AOAH: variants seen among roughly 807,000 people sequenced by gnomAD.
AOAH encodes the protein acyloxyacyl hydrolase (neutrophil).
In AOAH, 64 loss-of-function variants were observed where a neutral mutation model predicts 92.2. The ratio of observed to expected loss-of-function variants is 0.69; its 90% CI spans 0.57 to 0.86. The LOEUF (loss-of-function observed/expected upper bound fraction) is 0.86. AOAH is among the 40% of genes least tolerant of loss of function. AOAH has a pLI of 0.00. For synonymous variants in AOAH, 263 were observed against 254.5 expected (o/e 1.03, Z -0.32); for missense variants, 656 against 694.6 (o/e 0.94, Z 0.62).
At chr7:36,526,393 T>C (rs919972087) in intron 19 of AOAH, among the ~76,000 whole-genome samples, 15 of 152,240 alleles carry the variant, frequency 9.9e-5, no homozygotes, top group African/African-American at 3.6e-4. Context: ...ATTTTATCTG[T>C]ATCGTGACCA....
At chr7:36,645,412 C>T (rs562788236) in intron 4 of AOAH, among the ~76,000 whole-genome samples, 2 of 152,284 alleles carry the variant, frequency 1.3e-5, no homozygotes, top group Admixed American at 6.5e-5. Context: ...TTGTAAGGCA[C>T]ACAGTCTAGG....
At chr7:36,529,760 C>G (rs889212073) in intron 19 of AOAH, among the ~76,000 whole-genome samples, 1 of 152,158 alleles carries the variant, frequency 6.6e-6, no homozygotes, top group Non-Finnish European at 1.5e-5. Context: ...AGTCAATAAG[C>G]AATAATTTTT....
intron 3 of AOAH, among the ~76,000 whole-genome samples, chr7:36,662,317 G>A (rs1795263680): frequency 6.6e-6 from 1 of 152,212 alleles, no homozygotes; most frequent in Non-Finnish European, 1.5e-5. Flanking sequence ...AGTTAAGAGG[G>A]AAATGCAGCG....
intron 20 of AOAH, chr7:36,514,695 G>C: frequency 1.3e-6 from 1 of 774,002 alleles, no homozygotes; most frequent in African/African-American, 1.7e-5. Flanking sequence ...TGAGAAATGT[G>C]ATTGCTGAAG....
At chr7:36,696,866 A>AG (rs1429793883) in intron 1 of AOAH, among the ~76,000 whole-genome samples, 1 of 99,874 alleles carries the variant, frequency 1.0e-5, no homozygotes, top group Admixed American at 1.1e-4. Context: ...CTACGTCTCC[A>AG]GAAACAAAAA....
chr7:36,566,094 C>CTTT (rs35521941), intron 13 of AOAH, among the ~76,000 whole-genome samples: 34 of 119,900 alleles, frequency 2.8e-4, no homozygotes, highest in South Asian at 1.1e-3. Flanking sequence ...GTAATACTGG[C>CTTT]TTTTTTTTTT....
chr7:36,701,502 T>A (rs576259463), intron 1 of AOAH, among the ~76,000 whole-genome samples: 94 of 150,586 alleles, frequency 6.2e-4, no homozygotes, highest in Middle Eastern at 3.5e-3. Flanking sequence ...ATATAATAAT[T>A]ATTATTTCTT....
intron 4 of AOAH, among the ~76,000 whole-genome samples, chr7:36,642,216 C>T (rs981176996): frequency 6.6e-6 from 1 of 151,924 alleles, no homozygotes; most frequent in Non-Finnish European, 1.5e-5. Context: ...ATTACTTTTG[C>T]ACCAACCTAA....
intron 11 of AOAH, among the ~76,000 whole-genome samples, chr7:36,603,660 C>T (rs1790770248): frequency 6.6e-6 from 1 of 152,172 alleles, no homozygotes; most frequent in Non-Finnish European, 1.5e-5. Context: ...AGTGAACGGG[C>T]ATCGCTGTGT....
intron 11 of AOAH, among the ~76,000 whole-genome samples, chr7:36,613,497 C>G (rs1439933752): frequency 6.6e-6 from 1 of 152,226 alleles, no homozygotes; most frequent in Admixed American, 6.5e-5. Context: ...TATTTAGCCA[C>G]AGCTTCCTCT....
intron 11 of AOAH, among the ~76,000 whole-genome samples, chr7:36,599,053 C>G (rs1354509781): frequency 6.6e-6 from 1 of 152,184 alleles, no homozygotes; most frequent in Non-Finnish European, 1.5e-5. Flanking sequence ...ATCACTACCG[C>G]ATTGCTTCAA....
Position 36,576,644 on chromosome 7 carries a change from T to G in AOAH, c.951A>C (p.Lys317Asn). 1 of 1,555,032 alleles carries G rather than the reference T, an allele frequency of 6.4e-7. No homozygotes were observed. The highest frequency in any genetic ancestry group is 2.3e-5 in the East Asian group (1 of 43,782). Residue 317 changes from lysine (K) to asparagine (N), a missense_variant, in exon 13 of 21, where the codon AAA (lysine) becomes AAC (asparagine). By Grantham distance (94) the Lys-to-Asn change is moderately conservative. Transcript: ENST00000617537. ...FLDSTVGIKE[K>N]SIYLRLWKRN... is the part of the protein sequence containing the mutation. ...TTTTCCATAAGCGAAGGTAAATAGA[T>G]TTTTCTTTAATTCTGAAACAAATAT... is the stretch of plus-strand genomic sequence containing the variant.
intron 14 of AOAH, 96 bp downstream of exon 14, chr7:36,549,343 T>C: frequency 2.2e-6 from 2 of 924,016 alleles, no homozygotes; most frequent in South Asian, 1.4e-5. Context: ...AAGCTATTTA[T>C]GCTCAGTAAA....
At chr7:36,531,711 G>C (rs957487178) in intron 18 of AOAH, among the ~76,000 whole-genome samples, 1 of 152,208 alleles carries the variant, frequency 6.6e-6, no homozygotes, top group Non-Finnish European at 1.5e-5. Flanking sequence ...CATGTTCTTT[G>C]AGCAATGGAT....
At chr7:36,580,017 T>C (rs1235674527) in intron 12 of AOAH, among the ~76,000 whole-genome samples, 1 of 152,216 alleles carries the variant, frequency 6.6e-6, no homozygotes, top group Non-Finnish European at 1.5e-5. Context: ...CTTGATCTTT[T>C]GAAAGCCTAT....
chr7:36,554,625 G>A (rs1223189957), intron 13 of AOAH, among the ~76,000 whole-genome samples: 3 of 152,086 alleles, frequency 2.0e-5, no homozygotes, highest in Non-Finnish European at 4.4e-5. Context: ...AGCATGGAAT[G>A]TTCTTCCATT....
chr7:36,620,405 A>C (rs1189741368), intron 9 of AOAH, among the ~76,000 whole-genome samples: 1 of 151,610 alleles, frequency 6.6e-6, no homozygotes, highest in African/African-American at 2.4e-5. Context: ...CTTATGAAAC[A>C]GAAAAAAAAA....
intron 1 of AOAH, among the ~76,000 whole-genome samples, chr7:36,721,447 C>G (rs1038450115): frequency 6.6e-6 from 1 of 152,180 alleles, no homozygotes; most frequent in African/African-American, 2.4e-5. Flanking sequence ...CCTGTCTCCC[C>G]CAAAAGCCAA....
intron 1 of AOAH, among the ~76,000 whole-genome samples, chr7:36,688,460 TAATA>T (rs1246357430): frequency 6.6e-6 from 1 of 152,194 alleles, no homozygotes; most frequent in Non-Finnish European, 1.5e-5. Flanking sequence ...ATGTCTCTGA[TAATA>T]AATAAATTAT....
Sources: allele counts gnomAD v4.1 joint callset (sites outside exome capture counted in the v4.1 genomes callset), GRCh38; gene constraint gnomAD v4.1.1; transcripts MANE v1.5; gene names NCBI Gene and HGNC (gene_info 2026-07-23, HGNC 2026-07-21).